The following FAM171A1 variants were observed in gnomAD, a reference collection of about 807,000 sequenced individuals.
FAM171A1 encodes the protein family with sequence similarity 171 member A1.
FAM171A1 carries 23 observed loss-of-function variants against 74.9 expected under a neutral mutation model. The ratio of observed to expected loss-of-function variants is 0.31; its 90% CI spans 0.22 to 0.44. The LOEUF (loss-of-function observed/expected upper bound fraction) is 0.44. FAM171A1 is among the 20% of genes least tolerant of loss of function. FAM171A1 has a pLI of 1.00. For synonymous variants in FAM171A1, 527 were observed against 505.7 expected (o/e 1.04, Z -0.57); for missense variants, 1,162 against 1,159.2 (o/e 1.00, Z -0.03).
At chr10:15,304,366 C>T (rs1485960318) in intron 1 of FAM171A1, among the ~76,000 whole-genome samples, 1 of 152,134 alleles carries the variant, frequency 6.6e-6, no homozygotes, top group Non-Finnish European at 1.5e-5. Flanking sequence ...CTTTCACCTG[C>T]AGCCTGTCAA....
At chr10:15,309,094 C>T (rs1588546133) in intron 1 of FAM171A1, among the ~76,000 whole-genome samples, 1 of 152,176 alleles carries the variant, frequency 6.6e-6, no homozygotes, top group East Asian at 1.9e-4. Flanking sequence ...TTTGAATATT[C>T]AGCTTTCTTG....
intron 5 of FAM171A1, chr10:15,240,730 T>A: frequency 1.0e-6 from 1 of 985,256 alleles, no homozygotes; most frequent in Non-Finnish European, 1.2e-6. Context: ...ATGGATATAC[T>A]GAGTTAGTGT....
At chr10:15,257,773 G>A (rs1284242735) in intron 3 of FAM171A1, among the ~76,000 whole-genome samples, 3 of 152,172 alleles carry the variant, frequency 2.0e-5, no homozygotes, top group Non-Finnish European at 4.4e-5. Flanking sequence ...GAAGCAGCAC[G>A]TGAGGAATTT....
chr10:15,307,646 CAAAA>C lies in FAM171A1; in HGVS notation c.98-23545_98-23542del, dbSNP rs560861841. 1.6e-3 allele frequency among the ~76,000 whole-genome samples: 149 copies of C among 93,156 alleles called. 1 individual carries two copies. The highest frequency in any genetic ancestry group is 0.014 in the Admixed American group (116 of 8,492). 61.1% of individuals were successfully genotyped at this position (93,156 alleles called of 152,430 possible). On this transcript the variant is annotated intron_variant, in intron 1 of 7. Coordinates refer to ENST00000378116, the MANE Select transcript of FAM171A1 (RefSeq NM_001010924.2). ...GGGCAACAAGAGTGAAACTCCATTT[CAAAA>C]AAAAAAAAAAAAAAAAAAAATGCGA...
chr10:15,338,921 G>A (rs897462566), intron 1 of FAM171A1, among the ~76,000 whole-genome samples: 2 of 151,958 alleles, frequency 1.3e-5, no homozygotes, highest in Non-Finnish European at 2.9e-5. Flanking sequence ...TTTGTTTTTA[G>A]TACTCTGGGG....
intron 1 of FAM171A1, among the ~76,000 whole-genome samples, chr10:15,348,682 G>C (rs1048581188): frequency 6.6e-6 from 1 of 152,154 alleles, no homozygotes; most frequent in African/African-American, 2.4e-5. Flanking sequence ...TAACAGTACA[G>C]CCTCTCAGGG....
In FAM171A1 at chr10:15,213,011, T is replaced by C; in HGVS notation, c.2577A>G (p.Glu859=). 6.2e-7 allele frequency: 1 copy of C among 1,614,116 alleles called. No individual in the cohort carries two copies. Among genetic ancestry groups the C allele is most frequent in the East Asian group, 2.2e-5 (1 of 44,858 alleles). The change falls in exon 8 of 8, where the codon GAA becomes GAG. Residue 859 remains glutamate (E), a synonymous_variant. Transcript: ENST00000378116. The surrounding 1 kb of genome is among the most constrained non-coding windows in gnomAD (Gnocchi z 6.8). ...GGTCATCATCATCATCGTCTTCCTC[T>C]TCCTCGTGGGCAGATCTTCTCTGGT... ...SPHQRRSAHE[E]EEDDDDDDQG...
chr10:15,233,490 A>G (rs990599535), intron 5 of FAM171A1, among the ~76,000 whole-genome samples: 3 of 150,772 alleles, frequency 2.0e-5, no homozygotes, highest in African/African-American at 7.3e-5. Flanking sequence ...CTTCTAGTGA[A>G]GGACATTCTG....
chr10:15,311,712 A>G (rs1270296245), intron 1 of FAM171A1, among the ~76,000 whole-genome samples: 1 of 152,124 alleles, frequency 6.6e-6, no homozygotes. Flanking sequence ...TGCTCTCAAG[A>G]TAAAGAAGGC....
chr10:15,339,168 G>T (rs760688741), intron 1 of FAM171A1, among the ~76,000 whole-genome samples: 1 of 152,050 alleles, frequency 6.6e-6, no homozygotes, highest in Non-Finnish European at 1.5e-5. Flanking sequence ...AATAATTTTT[G>T]ATTTACAAAA....
chr10:15,229,296 T>G (rs1045866096), intron 5 of FAM171A1, among the ~76,000 whole-genome samples: 17 of 152,190 alleles, frequency 1.1e-4, no homozygotes, highest in African/African-American at 4.1e-4. Flanking sequence ...ACTAGCTTTC[T>G]TGGGCTGTCA....
At chr10:15,316,492 T>C (rs972180794) in intron 1 of FAM171A1, among the ~76,000 whole-genome samples, 4 of 152,226 alleles carry the variant, frequency 2.6e-5, no homozygotes, top group Non-Finnish European at 5.9e-5. Flanking sequence ...TGTGTCTGGC[T>C]ACCCTGGTTC....
intron 1 of FAM171A1, among the ~76,000 whole-genome samples, chr10:15,297,748 T>A (rs1303945859): frequency 6.6e-6 from 1 of 152,218 alleles, no homozygotes; most frequent in African/African-American, 2.4e-5. Context: ...AAATACGAAC[T>A]ATCTCCCACA....
intron 5 of FAM171A1, among the ~76,000 whole-genome samples, chr10:15,237,326 C>T (rs964017232): frequency 3.3e-5 from 5 of 152,018 alleles, no homozygotes; most frequent in Non-Finnish European, 7.4e-5. Context: ...CCCCCTGAAC[C>T]CGATCATACT....
chr10:15,212,501 T>C lies in FAM171A1; in HGVS notation c.*414A>G, dbSNP rs757223077. 1.0e-5 allele frequency: 2 copies of C among 192,528 alleles called. No individual in the cohort carries two copies. The highest frequency in any genetic ancestry group is 2.1e-4 in the South Asian group (2 of 9,552). The allele number at this position is 192,528 out of a possible 1,614,324, so 11.9% of individuals were successfully genotyped here. ...AGACGCTACGTGCCAACCTAAGTTC[T>C]CAACGACAGCTTCACAGTAGGATTA... On this transcript the variant is annotated 3_prime_UTR_variant, in exon 8 of 8. Transcript: ENST00000378116.
In FAM171A1 at chr10:15,262,997, G is replaced by A. The variant is rs537662545; in HGVS notation, c.419-8118C>T. ...TGGGAGGACGGCATGCAGGTGGGGCGAGGGGCATATGGAGTGTGCTGGGAA... is the reference window on the plus strand; with the variant it reads ...TGGGAGGACGGCATGCAGGTGGGGCAAGGGGCATATGGAGTGTGCTGGGAA... On this transcript the variant is annotated intron_variant, in intron 3 of 7. Coordinates refer to ENST00000378116, the MANE Select transcript of FAM171A1 (RefSeq NM_001010924.2). Among the ~76,000 whole-genome samples, 100 of 152,302 alleles carry A rather than the reference G, an allele frequency of 6.6e-4. 1 individual carries two copies. Among genetic ancestry groups the A allele is most frequent in the Non-Finnish European group, 1.2e-3 (80 of 68,016 alleles).
At chr10:15,301,593 G>A (rs187735359) in intron 1 of FAM171A1, among the ~76,000 whole-genome samples, 1 of 152,178 alleles carries the variant, frequency 6.6e-6, no homozygotes, top group Admixed American at 6.5e-5. Flanking sequence ...GGTGCCTCTC[G>A]GAAAAGATAA....
At chr10:15,270,853 A>T (rs977660781) in intron 3 of FAM171A1, among the ~76,000 whole-genome samples, 3 of 152,314 alleles carry the variant, frequency 2.0e-5, no homozygotes, top group Admixed American at 2.0e-4. Context: ...CAGAAAGGAC[A>T]TCCACACCAA....
chr10:15,259,348 T>C (rs1399333546), intron 3 of FAM171A1, among the ~76,000 whole-genome samples: 8 of 152,236 alleles, frequency 5.3e-5, no homozygotes, highest in African/African-American at 1.9e-4. Flanking sequence ...CCTTTTCATC[T>C]ACTGACACTG....
Sources: allele counts gnomAD v4.1 joint callset (sites outside exome capture counted in the v4.1 genomes callset), GRCh38; gene constraint gnomAD v4.1.1; non-coding constraint Gnocchi (gnomAD v3.1); transcripts MANE v1.5; gene names NCBI Gene and HGNC (gene_info 2026-07-23, HGNC 2026-07-21).